The following KCNMA1 variants were observed in gnomAD, a reference collection of about 807,000 sequenced individuals.
KCNMA1 encodes Calcium-activated potassium channel subunit alpha-1.
KCNMA1 carries 29 observed loss-of-function variants against 140.0 expected under a neutral mutation model. The observed-to-expected ratio is 0.21, with a 90% confidence interval of 0.15 to 0.28. The LOEUF (loss-of-function observed/expected upper bound fraction) is 0.28, where lower values mean the gene tolerates loss of function less well. Ranked by LOEUF, KCNMA1 falls within the 10% of genes least tolerant of loss-of-function variation. The probability of loss-of-function intolerance (pLI) is 1.00; values close to 1 mark genes in which losing one functional copy is unlikely to be tolerated. For missense variants in KCNMA1, 880 were observed against 1,602.2 expected, an observed-to-expected ratio of 0.55 and a Z score of 7.70; for synonymous variants, 612 against 611.9, an observed-to-expected ratio of 1.00 and a Z score of 0.00.
intron 14 of KCNMA1, among the ~76,000 whole-genome samples, chr10:77,061,433 C>A (rs1252317483): frequency 2.6e-5 from 4 of 152,138 alleles, no homozygotes; most frequent in African/African-American, 9.7e-5. Flanking sequence ...GGGAAATACA[C>A]GTGAAAACCA....
chr10:77,474,988 G>A (rs182805172), intron 1 of KCNMA1, among the ~76,000 whole-genome samples: 85 of 152,312 alleles, frequency 5.6e-4, no homozygotes, highest in African/African-American at 1.9e-3. Flanking sequence ...AAGCCCTGGA[G>A]GACAGAGTGG....
chr10:77,106,326 G>A (rs1398585193), intron 9 of KCNMA1, among the ~76,000 whole-genome samples: 1 of 152,176 alleles, frequency 6.6e-6, no homozygotes, highest in Non-Finnish European at 1.5e-5. Context: ...AGATTACAGA[G>A]CCAGAACAGA....
chr10:77,300,872 C>T (rs778840111), intron 2 of KCNMA1, among the ~76,000 whole-genome samples: 6 of 152,178 alleles, frequency 3.9e-5, no homozygotes, highest in African/African-American at 1.2e-4. Context: ...TAGGGAGCAT[C>T]CAACAAGTGG....
At chr10:77,439,697 G>A (rs564722655) in intron 1 of KCNMA1, among the ~76,000 whole-genome samples, 1 of 152,134 alleles carries the variant, frequency 6.6e-6, no homozygotes, top group Non-Finnish European at 1.5e-5. Context: ...ACCTATCTTC[G>A]GAGCCCTTTC....
chr10:77,434,449 T>A (rs764841818), intron 1 of KCNMA1, among the ~76,000 whole-genome samples: 57 of 152,186 alleles, frequency 3.7e-4, no homozygotes, highest in Non-Finnish European at 6.5e-4. Context: ...CCGACACACA[T>A]CTCAAGGCCA....
intron 5 of KCNMA1, among the ~76,000 whole-genome samples, chr10:77,154,754 T>C (rs914392099): frequency 3.3e-5 from 5 of 152,338 alleles, no homozygotes; most frequent in African/African-American, 2.4e-5. Flanking sequence ...AAGACAGACA[T>C]GATCCCTGCT....
intron 11 of KCNMA1, 71 bp downstream of exon 11, chr10:77,086,417 C>T: frequency 8.9e-7 from 1 of 1,128,824 alleles, no homozygotes; most frequent in Non-Finnish European, 1.4e-6. Flanking sequence ...GTCCCCTCAG[C>T]ACAGAGTCAG....
chr10:77,356,641 C>T (rs1232275716), intron 2 of KCNMA1, among the ~76,000 whole-genome samples: 1 of 152,194 alleles, frequency 6.6e-6, no homozygotes, highest in Non-Finnish European at 1.5e-5. Context: ...CATGGGTCAC[C>T]CCAGGTCTGG....
chr10:76,876,490 G>A (rs1032956593), downstream of KCNMA1: 1 of 152,598 alleles, frequency 6.6e-6, no homozygotes, highest in African/African-American at 2.4e-5. Context: ...AAAATCTTTT[G>A]ACCGCAGTTT....
intron 14 of KCNMA1, among the ~76,000 whole-genome samples, chr10:77,053,124 A>G (rs1052300237): frequency 6.6e-6 from 1 of 152,108 alleles, no homozygotes; most frequent in Non-Finnish European, 1.5e-5. Context: ...AAAGAGGGAG[A>G]GGACTTGCTA....
intron 3 of KCNMA1, among the ~76,000 whole-genome samples, chr10:77,210,281 G>A (rs759879926): frequency 6.6e-5 from 10 of 152,200 alleles, no homozygotes; most frequent in Non-Finnish European, 1.2e-4. Flanking sequence ...CAATAAATGC[G>A]ATTAGCATTA....
chr10:76,986,652 G>A (rs957358265), intron 19 of KCNMA1, among the ~76,000 whole-genome samples: 2 of 152,226 alleles, frequency 1.3e-5, no homozygotes, highest in African/African-American at 4.8e-5. Context: ...AGTCCAGTGA[G>A]ATAAGGTCTA....
At chr10:77,420,735 G>T (rs1041509113) in intron 1 of KCNMA1, among the ~76,000 whole-genome samples, 1 of 152,152 alleles carries the variant, frequency 6.6e-6, no homozygotes, top group Non-Finnish European at 1.5e-5. Flanking sequence ...AGGAAGGAAG[G>T]TTCTTTAGGT....
At chr10:77,379,240 G>C (rs1420479415) in intron 2 of KCNMA1, among the ~76,000 whole-genome samples, 2 of 152,138 alleles carry the variant, frequency 1.3e-5, no homozygotes, top group African/African-American at 4.8e-5. Flanking sequence ...CTGCCTAATG[G>C]AGAGTCAGAA....
chr10:76,981,957 T>C (rs1385167901), intron 19 of KCNMA1, among the ~76,000 whole-genome samples: 13 of 152,140 alleles, frequency 8.5e-5, no homozygotes, highest in Admixed American at 8.5e-4. Flanking sequence ...CACAGCTTAG[T>C]GATCAGGAGC....
chr10:77,185,138 C>T (rs536717486), intron 3 of KCNMA1, among the ~76,000 whole-genome samples: 8 of 152,110 alleles, frequency 5.3e-5, no homozygotes, highest in South Asian at 4.2e-4. Flanking sequence ...TTATTGTTTT[C>T]GAAATTATTA....
intron 2 of KCNMA1, among the ~76,000 whole-genome samples, chr10:77,365,852 T>C (rs905253103): frequency 1.3e-5 from 2 of 152,162 alleles, no homozygotes; most frequent in African/African-American, 4.8e-5. Context: ...ATCTTCCTCC[T>C]TGATCCTTCA....
chr10:77,298,552 T>C (rs2075799782), intron 2 of KCNMA1, among the ~76,000 whole-genome samples: 1 of 152,142 alleles, frequency 6.6e-6, no homozygotes, highest in South Asian at 2.1e-4. Flanking sequence ...TTGCAGCTTA[T>C]TTTAAATGGA....
intron 25 of KCNMA1, among the ~76,000 whole-genome samples, chr10:76,894,591 G>T (rs2041695197): frequency 6.6e-6 from 1 of 152,084 alleles, no homozygotes; most frequent in African/African-American, 2.4e-5. Flanking sequence ...TCTGATAAGG[G>T]TCTAATATTC....
Sources: gnomAD v4.1 joint callset for allele counts (sites outside exome capture counted in the v4.1 genomes callset) on GRCh38, gnomAD v4.1.1 for gene constraint, MANE v1.5 for transcripts, NCBI Gene and HGNC (gene_info 2026-07-23, HGNC 2026-07-21) for gene names.